Variants in PCDHGA1 observed in about 807,000 individuals in gnomAD.
PCDHGA1 encodes the protein protocadherin gamma-A1.
PCDHGA1 carries 32 observed loss-of-function variants against 58.0 expected under a neutral mutation model. The ratio of observed to expected loss-of-function variants is 0.55; its 90% CI spans 0.42 to 0.74. The LOEUF is 0.74. PCDHGA1 is among the 30% of genes least tolerant of loss of function. The probability of loss-of-function intolerance (pLI) is 0.00; values close to 1 mark genes in which losing one functional copy is unlikely to be tolerated. For synonymous variants in PCDHGA1, 498 were observed against 501.1 expected, an observed-to-expected ratio of 0.99 and a Z score of 0.08; for missense variants, 1,205 against 1,182.3, an observed-to-expected ratio of 1.02 and a Z score of -0.28.
intron 1 of PCDHGA1, chr5:141,418,261 G>T (rs763160633): frequency 1.9e-6 from 3 of 1,613,938 alleles, no homozygotes; most frequent in Non-Finnish European, 2.5e-6. Flanking sequence ...CTCAATTCCG[G>T]AAAGATGAAA....
At chr5:141,367,992 G>T (rs973749117) in intron 1 of PCDHGA1, among the ~76,000 whole-genome samples, 1 of 152,088 alleles carries the variant, frequency 6.6e-6, no homozygotes, top group Non-Finnish European at 1.5e-5. Context: ...TAATAGATTT[G>T]TCTTAATGAA....
rs745961736 is a variant in PCDHGA1, at chr5:141,372,460, A to G, written c.2421+39355A>G. On this transcript the variant is annotated intron_variant, in intron 1 of 3. Coordinates refer to ENST00000517417, the MANE Select transcript of PCDHGA1 (RefSeq NM_018912.3). ...CCCTCTGACCCTCAGGCGGAGCTAC[A>G]GTTTCACCTAGTAGTGGCGTTGGCC... 6.2e-5 allele frequency: 100 copies of G among 1,614,006 alleles called. 1 individual carries two copies. The South Asian group carries it at 1.1e-3, about 17-fold the overall frequency.
chr5:141,403,006 G>C (rs536630249), intron 1 of PCDHGA1: 3 of 1,613,888 alleles, frequency 1.9e-6, no homozygotes, highest in Non-Finnish European at 2.5e-6. Context: ...TGCTATGCTC[G>C]CTCCTGGGGA....
At chr5:141,466,143 C>T (rs2099117622) in intron 1 of PCDHGA1, among the ~76,000 whole-genome samples, 1 of 151,816 alleles carries the variant, frequency 6.6e-6, no homozygotes, top group Admixed American at 6.6e-5. Flanking sequence ...CAAGTGAAAA[C>T]TCTGGTCTTA....
At position 141,352,542 on chromosome 5, in the gene PCDHGA1, T is replaced by G; in HGVS notation, c.2421+19437T>G. The stretch of plus-strand genomic sequence containing the variant: ...GCCTCTCATTCTGCAAAGACAGAGT[T>G]TAATTCTCTCAACCTGACACCGGAA... On this transcript the variant is annotated intron_variant, in intron 1 of 3. Transcript: ENST00000517417. 3.1e-6 allele frequency: 5 copies of G among 1,613,962 alleles called. No homozygotes were observed. The South Asian group carries it at 4.4e-5, about 14-fold the overall frequency.
At chr5:141,454,483 C>T (rs1434684795) in intron 1 of PCDHGA1, among the ~76,000 whole-genome samples, 9 of 151,684 alleles carry the variant, frequency 5.9e-5, no homozygotes, top group African/African-American at 9.7e-5. Flanking sequence ...CTCAGCTCAC[C>T]GCAACCTCCA....
intron 3 of PCDHGA1, among the ~76,000 whole-genome samples, chr5:141,510,330 C>T (rs1420880240): frequency 6.6e-6 from 1 of 151,298 alleles, no homozygotes; most frequent in Non-Finnish European, 1.5e-5. Context: ...GCACTCTTCA[C>T]CCCCACCCCA....
chr5:141,374,812 T>C, intron 1 of PCDHGA1: 1 of 1,613,998 alleles, frequency 6.2e-7, no homozygotes, highest in Non-Finnish European at 8.5e-7. Flanking sequence ...CAATGTTTAC[T>C]CAGCCTGTCT....
intron 1 of PCDHGA1, among the ~76,000 whole-genome samples, chr5:141,349,280 G>A (rs910277448): frequency 7.2e-5 from 11 of 152,094 alleles, no homozygotes; most frequent in African/African-American, 2.7e-4. Context: ...ATGTTGGACA[G>A]GCTAGTCTCA....
At chr5:141,440,982 A>G (rs940098060) in intron 1 of PCDHGA1, 4 of 152,234 alleles carry the variant, frequency 2.6e-5, no homozygotes, top group Non-Finnish European at 5.9e-5. Context: ...TTCACAACCC[A>G]GAGTACCCAT....
rs1758636666 is a variant in PCDHGA1 at position 141,351,076 on chromosome 5, A to G, written c.2421+17971A>G. 1.9e-6 allele frequency: 3 copies of G among 1,613,906 alleles called. No individual in the cohort carries two copies. In the South Asian group the frequency reaches 3.3e-5, roughly 18 times the overall value. Reference sequence around the variant, plus strand: ...CAGACCAGGATGAGGGCATTAATGCAGAGATCACCTATGCCTTCCTCAATT... The same window carrying G: ...CAGACCAGGATGAGGGCATTAATGCGGAGATCACCTATGCCTTCCTCAATT... On this transcript the variant is annotated intron_variant, in intron 1 of 3. Coordinates refer to ENST00000517417, the MANE Select transcript of PCDHGA1 (RefSeq NM_018912.3).
chr5:141,464,180 G>T (rs1251683320), intron 1 of PCDHGA1, among the ~76,000 whole-genome samples: 1 of 151,340 alleles, frequency 6.6e-6, no homozygotes, highest in Non-Finnish European at 1.5e-5. Flanking sequence ...CAGGAGAATT[G>T]CTTGATTTCA....
chr5:141,491,602 A>T lies in PCDHGA1; in HGVS notation c.2422-3205A>T. On this transcript the variant is annotated intron_variant, in intron 1 of 3. Transcript: ENST00000517417. The surrounding 1 kb of genome is among the most constrained non-coding windows in gnomAD (Gnocchi z 6.9). ...ACCGGCCTCGGACGGCAGTGACTTC[A>T]CTTTTCTAAGACCCCTCAGCGTTCA... is the stretch of plus-strand genomic sequence containing the variant. The T allele has an allele frequency of 6.2e-7, 1 of 1,613,838 alleles. No individual in the cohort carries two copies. Among genetic ancestry groups the T allele is most frequent in the Non-Finnish European group, 8.5e-7 (1 of 1,180,016 alleles).
At chr5:141,413,639 G>T (rs893578830) in intron 1 of PCDHGA1, 1 of 1,613,736 alleles carries the variant, frequency 6.2e-7, no homozygotes, top group African/African-American at 1.3e-5. Flanking sequence ...GCGGGAATGC[G>T]TTTTCCTCTC....
At chr5:141,344,513 A>G (rs1456522332) in intron 1 of PCDHGA1, 7 of 1,613,906 alleles carry the variant, frequency 4.3e-6, no homozygotes. Context: ...CTTTTGACCC[A>G]GATGTAGGCA....
At chr5:141,483,187 GTTT>G (rs899657161) in intron 1 of PCDHGA1, among the ~76,000 whole-genome samples, 2 of 152,172 alleles carry the variant, frequency 1.3e-5, no homozygotes, top group African/African-American at 4.8e-5. Flanking sequence ...AAGCCAAGGA[GTTT>G]TTATTTTATT....
chr5:141,394,907 T>C (rs1477088272), intron 1 of PCDHGA1: 2 of 1,613,640 alleles, frequency 1.2e-6, no homozygotes, highest in Non-Finnish European at 1.7e-6. Context: ...TGGCAGTGGC[T>C]GCCATCTCCT....
In PCDHGA1 at chr5:141,490,347, G is replaced by T; in HGVS notation, c.2422-4460G>T. On this transcript the variant is annotated intron_variant, in intron 1 of 3. Coordinates refer to ENST00000517417, the MANE Select transcript of PCDHGA1 (RefSeq NM_018912.3). This position sits in a 1 kb window ranked among gnomAD's most constrained non-coding sequence, Gnocchi z 5.4. ...AGAGCACACCAGTGGGCACAGTAGT[G>T]GGGTTGTTTAATGTGCGAGACCGGG... 1 of 1,614,180 alleles carries T rather than the reference G, an allele frequency of 6.2e-7. No homozygotes were observed.
intron 1 of PCDHGA1, among the ~76,000 whole-genome samples, chr5:141,373,166 C>G (rs1478798062): frequency 6.6e-6 from 1 of 152,196 alleles, no homozygotes; most frequent in African/African-American, 2.4e-5. Context: ...TTAATGCAGT[C>G]AATCCTAAAA....
Sources: allele counts gnomAD v4.1 joint callset (sites outside exome capture counted in the v4.1 genomes callset), GRCh38; gene constraint gnomAD v4.1.1; non-coding constraint Gnocchi (gnomAD v3.1); transcripts MANE v1.5; gene names NCBI Gene and HGNC (gene_info 2026-07-23, HGNC 2026-07-21).